Variants in SH3GL3 observed in about 807,000 individuals in gnomAD.
SH3GL3 encodes SH3 domain containing GRB2 like 3, endophilin A3.
A neutral mutation model predicts 47.7 loss-of-function variants in SH3GL3; 33 were observed. The ratio of observed to expected loss-of-function variants is 0.69; its 90% CI spans 0.52 to 0.92. The LOEUF (loss-of-function observed/expected upper bound fraction) is 0.92. Ranked by LOEUF, SH3GL3 falls within the 40% of genes least tolerant of loss-of-function variation. The pLI, the probability that SH3GL3 is intolerant of heterozygous loss-of-function variation, is 0.00. For missense variants in SH3GL3, 363 were observed against 417.8 expected (o/e 0.87, Z 1.14); for synonymous variants, 155 against 148.8 (o/e 1.04, Z -0.30).
the SH3GL3 span, among the ~76,000 whole-genome samples, chr15:83,630,034 G>A: frequency 6.6e-6 from 1 of 152,138 alleles, no homozygotes; most frequent in Non-Finnish European, 1.5e-5. Context: ...CTCTTCACAT[G>A]ATAGTAAATA....
At chr15:83,484,578 T>A (rs2151564308) in intron 1 of SH3GL3, among the ~76,000 whole-genome samples, 1 of 152,254 alleles carries the variant, frequency 6.6e-6, no homozygotes, top group Non-Finnish European at 1.5e-5. Flanking sequence ...CATTTCTTTA[T>A]TTTGGTTGTT....
At chr15:83,559,769 G>T (rs1446941208) in intron 2 of SH3GL3, among the ~76,000 whole-genome samples, 1 of 152,118 alleles carries the variant, frequency 6.6e-6, no homozygotes, top group Non-Finnish European at 1.5e-5. Flanking sequence ...TTTTATCCTG[G>T]TTCTGCCTGT....
intron 2 of SH3GL3, among the ~76,000 whole-genome samples, chr15:83,564,432 T>C (rs77304904): frequency 7.0e-4 from 107 of 152,340 alleles, no homozygotes; most frequent in African/African-American, 2.3e-3. Flanking sequence ...GAGATCTTTT[T>C]CTTTTGGGCT....
At chr15:83,608,661 T>C (rs1479108211) in intron 8 of SH3GL3, among the ~76,000 whole-genome samples, 1 of 152,110 alleles carries the variant, frequency 6.6e-6, no homozygotes, top group African/African-American at 2.4e-5. Flanking sequence ...GGCTCCATGC[T>C]TTCAAACACT....
At chr15:83,518,405 T>A (rs1475639627) in intron 1 of SH3GL3, among the ~76,000 whole-genome samples, 1 of 152,208 alleles carries the variant, frequency 6.6e-6, no homozygotes, top group Non-Finnish European at 1.5e-5. Flanking sequence ...TATCTGTTGT[T>A]TTTTGACTTT....
chr15:83,479,532 G>T (rs1004612608), intron 1 of SH3GL3, among the ~76,000 whole-genome samples: 1 of 152,186 alleles, frequency 6.6e-6, no homozygotes, highest in Non-Finnish European at 1.5e-5. Flanking sequence ...CCACCTGAGA[G>T]TTATCCCAGC....
At chr15:83,507,219 A>C (rs561646363) in intron 1 of SH3GL3, among the ~76,000 whole-genome samples, 1 of 152,038 alleles carries the variant, frequency 6.6e-6, no homozygotes, top group East Asian at 1.9e-4. Flanking sequence ...CGTGTTAACC[A>C]GGATGGTCTC....
At chr15:83,540,668 G>A (rs2044112618) in intron 1 of SH3GL3, among the ~76,000 whole-genome samples, 2 of 151,900 alleles carry the variant, frequency 1.3e-5, no homozygotes, top group South Asian at 4.1e-4. Context: ...AAGTATTTAT[G>A]GCATATATCA....
At chr15:83,486,728 A>G (rs1596080233) in intron 1 of SH3GL3, among the ~76,000 whole-genome samples, 1 of 152,230 alleles carries the variant, frequency 6.6e-6, no homozygotes, top group South Asian at 2.1e-4. Flanking sequence ...TCAGACTGCT[A>G]TAACAAAATA....
chr15:83,576,921 A>ATTTTTTTTTTTTTTTTTTTTTTTTTTTT (rs71156087), intron 6 of SH3GL3, among the ~76,000 whole-genome samples, 180 bp downstream of exon 6: 2 of 86,564 alleles, frequency 2.3e-5, no homozygotes, highest in Admixed American at 1.7e-4. Context: ...AAAAATCATA[A>ATTTTTTTTTTTTTTTTTTTTTTTTTTTT]TTTTTTTTTT....
chr15:83,468,818 T>G (rs28846759), intron 1 of SH3GL3, among the ~76,000 whole-genome samples: 1 of 143,794 alleles, frequency 7.0e-6, no homozygotes, highest in African/African-American at 2.5e-5. Flanking sequence ...TTTTTTTTTG[T>G]AATTTGTCTA....
chr15:83,632,534 A>T, the SH3GL3 span, among the ~76,000 whole-genome samples: 4 of 152,224 alleles, frequency 2.6e-5, no homozygotes, highest in Admixed American at 6.5e-5. Context: ...GGTTTAGTTG[A>T]CTCACATTTC....
chr15:83,498,697 C>T (rs532260094), intron 1 of SH3GL3, among the ~76,000 whole-genome samples: 13 of 152,286 alleles, frequency 8.5e-5, no homozygotes, highest in African/African-American at 3.1e-4. Flanking sequence ...TACACTGCCA[C>T]CTCTCCCACC....
chr15:83,529,689 G>A (rs2043582246), intron 1 of SH3GL3, among the ~76,000 whole-genome samples: 1 of 146,938 alleles, frequency 6.8e-6, no homozygotes, highest in African/African-American at 2.5e-5. Flanking sequence ...GCAGATAAGT[G>A]CGCAGCATCC....
At chr15:83,474,857 A>G (rs1193700288) in intron 1 of SH3GL3, among the ~76,000 whole-genome samples, 1 of 152,112 alleles carries the variant, frequency 6.6e-6, no homozygotes, top group East Asian at 1.9e-4. Context: ...CATGATACAG[A>G]TTTGACGATG....
At chr15:83,489,183 T>G (rs1192133315) in intron 1 of SH3GL3, 1 of 152,220 alleles carries the variant, frequency 6.6e-6, no homozygotes, top group African/African-American at 2.4e-5. Context: ...CTTTTGTGAC[T>G]CCCAGGTTAT....
At chr15:83,616,334 C>G (rs1411275490) in intron 8 of SH3GL3, among the ~76,000 whole-genome samples, 1 of 144,792 alleles carries the variant, frequency 6.9e-6, no homozygotes, top group Admixed American at 7.4e-5. Context: ...CTCACTGCAA[C>G]CTCCGCCTTC....
intron 1 of SH3GL3, among the ~76,000 whole-genome samples, chr15:83,468,921 C>T (rs531294373): frequency 1.3e-5 from 2 of 151,124 alleles, no homozygotes; most frequent in Non-Finnish European, 2.9e-5. Context: ...ATTCTTTAGA[C>T]AATTCAGAGA....
chr15:83,511,802 C>T (rs1319997275), intron 1 of SH3GL3, among the ~76,000 whole-genome samples: 1 of 152,182 alleles, frequency 6.6e-6, no homozygotes, highest in Non-Finnish European at 1.5e-5. Context: ...GGAAGCCACA[C>T]CCTTGACATT....
Sources: gnomAD v4.1 joint callset for allele counts (sites outside exome capture counted in the v4.1 genomes callset) on GRCh38, gnomAD v4.1.1 for gene constraint, MANE v1.5 for transcripts, NCBI Gene and HGNC (gene_info 2026-07-23, HGNC 2026-07-21) for gene names.